Variants in ATAD2 observed in about 807,000 individuals in gnomAD.
ATAD2 encodes the protein ATPase family AAA domain containing 2, also known as ATPase family AAA domain-containing protein 2.
In ATAD2, 62 loss-of-function variants were observed where a neutral mutation model predicts 168.9. The observed-to-expected ratio is 0.37, with a 90% CI of 0.30 to 0.45. The LOEUF is 0.45. Among genes scored for constraint, ATAD2 ranks in the 20% least tolerant of loss-of-function variants. ATAD2 has a pLI of 1.00. For missense variants in ATAD2, 1,419 were observed against 1,667.8 expected, an observed-to-expected ratio of 0.85 and a Z score of 2.60; for synonymous variants, 613 against 571.6, an observed-to-expected ratio of 1.07 and a Z score of -1.03.
At chr8:123,337,928 A>G (rs1440071896) in intron 20 of ATAD2, 107 bp from the exon 21 acceptor site, 2 of 1,039,280 alleles carry the variant, frequency 1.9e-6, no homozygotes, top group African/African-American at 3.3e-5. Context: ...TTCCTCATAT[A>G]TGCAAGGAAT....
chr8:123,403,498 G>T (rs1024642143), intron 1 of ATAD2, among the ~76,000 whole-genome samples: 1 of 151,638 alleles, frequency 6.6e-6, no homozygotes, highest in African/African-American at 2.4e-5. Context: ...ATTCACAGGC[G>T]CAATCACAGC....
At chr8:123,331,102 A>AG (rs1321664907) in intron 24 of ATAD2, among the ~76,000 whole-genome samples, 5 of 151,414 alleles carry the variant, frequency 3.3e-5, no homozygotes, top group African/African-American at 1.2e-4. Context: ...CACCATGCCC[A>AG]GCTAGTTGTT....
intron 19 of ATAD2, chr8:123,342,657 C>T (rs1828097125): frequency 6.6e-6 from 1 of 152,078 alleles, no homozygotes; most frequent in Non-Finnish European, 1.5e-5. Flanking sequence ...CCTTTAAGGA[C>T]CTCCCCCACT....
chr8:123,401,134 G>A, upstream of ATAD2: 3 of 1,248,216 alleles, frequency 2.4e-6, no homozygotes, highest in Non-Finnish European at 2.3e-6. Context: ...TGAGCTGGTG[G>A]TGGCTCCAGC....
At chr8:123,334,828 C>T (rs193000167) in intron 22 of ATAD2, among the ~76,000 whole-genome samples, 47 of 152,260 alleles carry the variant, frequency 3.1e-4, no homozygotes, top group African/African-American at 9.4e-4. Flanking sequence ...AGGCAGAAGA[C>T]GGAATAAGTG....
chr8:123,325,124 C>CA (rs1400285516), intron 26 of ATAD2, among the ~76,000 whole-genome samples: 1 of 110,388 alleles, frequency 9.1e-6, no homozygotes, highest in Non-Finnish European at 1.8e-5. Context: ...TTTTTGGAGA[C>CA]AGAGTTTTGC....
Position 123,388,613 on chromosome 8 carries a change from G to A in ATAD2, c.171+7574C>T, listed in dbSNP as rs562553046. 1.1e-4 allele frequency among the ~76,000 whole-genome samples: 17 copies of A among 152,116 alleles called. No homozygotes were observed. The South Asian group carries it at 3.5e-3, about 32-fold the overall frequency. On this transcript the variant is annotated intron_variant, in intron 1 of 27. Transcript: ENST00000287394. ...TGCCCAGGCTGGTCTTGAACTCCTCGGCTCAAGTTATCCACCTGCCTCGGC... is the reference window on the plus strand; with the variant it reads ...TGCCCAGGCTGGTCTTGAACTCCTCAGCTCAAGTTATCCACCTGCCTCGGC...
At chr8:123,354,923 A>G (rs899420074) in intron 13 of ATAD2, among the ~76,000 whole-genome samples, 1 of 140,014 alleles carries the variant, frequency 7.1e-6, no homozygotes, top group African/African-American at 2.7e-5. Context: ...ATTACTCTGT[A>G]ATTTTTTTGC....
chr8:123,396,346 G>A lies in ATAD2; in HGVS notation c.12C>T (p.Leu4=), dbSNP rs754868816. The A allele has an allele frequency of 1.3e-6, 2 of 1,596,264 alleles. No individual in the cohort carries two copies. The highest frequency in any genetic ancestry group is 1.4e-5 in the African/African-American group (1 of 73,018). The change falls in exon 1 of 28, where the codon CTC becomes CTT. Residue 4 remains leucine (L), a synonymous_variant. Coordinates refer to ENST00000287394, the MANE Select transcript of ATAD2 (RefSeq NM_014109.4). The part of the protein sequence containing the change: MVV[L]RSSLELHNHS... ...GGTTGTGCAGCTCCAAGCTGCTGCGGAGAACCACCATCTTCTCTCCCTACT... is the reference window on the plus strand; with the variant it reads ...GGTTGTGCAGCTCCAAGCTGCTGCGAAGAACCACCATCTTCTCTCCCTACT...
chr8:123,330,014 G>T (rs1333672027), intron 24 of ATAD2, among the ~76,000 whole-genome samples: 3 of 132,296 alleles, frequency 2.3e-5, no homozygotes, highest in South Asian at 4.6e-4. Flanking sequence ...TTGAGACAGG[G>T]TCTTGCTCTG....
rs1206422027 is a variant in ATAD2, at chr8:123,401,888, G to A, written c.-2281-713C>T. Reference sequence around the variant, plus strand: ...GGAGGATAAGGTGAAGATCACACAGGGTGTCTCGGGCTCCATCCAGGACAA... The same window carrying A: ...GGAGGATAAGGTGAAGATCACACAGAGTGTCTCGGGCTCCATCCAGGACAA... On this transcript the variant is annotated intron_variant, in intron 1 of 28. Coordinates refer to the ATAD2 transcript ENST00000521903. 8 of 765,624 alleles carry A rather than the reference G, an allele frequency of 1.0e-5. No homozygotes were observed. The African/African-American group carries it at 1.2e-4, about 11-fold the overall frequency. The allele number at this position is 765,624 out of a possible 1,614,324, so 47.4% of individuals were successfully genotyped here.
rs761529902 is a variant in ATAD2, at chr8:123,333,949, T to C, written c.3407A>G (p.Asp1136Gly). Residue 1136 changes from aspartate (D) to glycine (G), a missense_variant, in exon 24 of 28, where the codon GAT becomes GGT. Coordinates refer to ENST00000287394, the MANE Select transcript of ATAD2 (RefSeq NM_014109.4). The part of the protein sequence containing the change: ...MPKQNSTLVG[D>G]KRSDPEQNEK... Reference sequence around the variant, plus strand: ...ATTCTGCTCTGGGTCTGATCTTTTATCACCAACAAGAGTGGAATTTTGCTT... The same window carrying C: ...ATTCTGCTCTGGGTCTGATCTTTTACCACCAACAAGAGTGGAATTTTGCTT... The C allele has an allele frequency of 4.8e-5, 77 of 1,614,030 alleles. No individual in the cohort carries two copies. Among genetic ancestry groups the C allele is most frequent in the Middle Eastern group, 1.6e-4 (1 of 6,084 alleles).
At position 123,409,828 on chromosome 8, in the gene ATAD2, C is replaced by A. The variant is rs193036066; in HGVS notation, c.-2282+6420G>T. 1.0e-4 allele frequency among the ~76,000 whole-genome samples: 15 copies of A among 149,916 alleles called. No homozygotes were observed. In the East Asian group the frequency reaches 3.0e-3, roughly 30 times the overall value. On this transcript the variant is annotated intron_variant, in intron 1 of 28. Coordinates refer to the ATAD2 transcript ENST00000521903. The stretch of plus-strand genomic sequence containing the variant: ...GCACACATCTGTAGTCCCAGCTACT[C>A]GGGAGGCTGAGGCAGGAGAACTGCT...
At chr8:123,373,921 C>T (rs1164361482) in intron 2 of ATAD2, among the ~76,000 whole-genome samples, 2 of 152,146 alleles carry the variant, frequency 1.3e-5, no homozygotes, top group African/African-American at 2.4e-5. Flanking sequence ...TGCAAGTGGG[C>T]TGGTTTATAT....
chr8:123,393,643 G>A (rs187711081), intron 1 of ATAD2, among the ~76,000 whole-genome samples: 25 of 152,282 alleles, frequency 1.6e-4, no homozygotes, highest in East Asian at 5.8e-4. Flanking sequence ...ATGGTCAGGC[G>A]CGGTGGTTCA....
At chr8:123,356,646 T>C (rs2131356083) in intron 12 of ATAD2, among the ~76,000 whole-genome samples, 169 bp from the exon 13 acceptor site, 1 of 151,692 alleles carries the variant, frequency 6.6e-6, no homozygotes, top group African/African-American at 2.4e-5. Context: ...CCAGAATTTA[T>C]ATATAATTTT....
intron 22 of ATAD2, among the ~76,000 whole-genome samples, chr8:123,335,127 G>A (rs1158838594): frequency 6.6e-6 from 1 of 152,128 alleles, no homozygotes; most frequent in Non-Finnish European, 1.5e-5. Flanking sequence ...TCCTTTAGGA[G>A]ATTCTGATGT....
chr8:123,381,605 G>C, intron 1 of ATAD2, among the ~76,000 whole-genome samples: 1 of 152,168 alleles, frequency 6.6e-6, no homozygotes, highest in Non-Finnish European at 1.5e-5. Flanking sequence ...AAATAGACTA[G>C]AGGCTAAGTT....
At chr8:123,346,389 C>T (rs1828243525) in intron 17 of ATAD2, 117 bp from the exon 18 acceptor site, 1 of 1,071,342 alleles carries the variant, frequency 9.3e-7, no homozygotes, top group Admixed American at 3.2e-5. Flanking sequence ...GCCAACCAAT[C>T]ATAACATGGT....
Sources: allele counts gnomAD v4.1 joint callset (sites outside exome capture counted in the v4.1 genomes callset), GRCh38; gene constraint gnomAD v4.1.1; transcripts MANE v1.5; gene names NCBI Gene and HGNC (gene_info 2026-07-23, HGNC 2026-07-21).